ZNF420: variants seen among roughly 807,000 people sequenced by gnomAD.
ZNF420 encodes the protein zinc finger protein 420.
Under a neutral mutation model 44.7 loss-of-function variants are expected in ZNF420, and 31 were observed. The ratio of observed to expected loss-of-function variants is 0.69; its 90% confidence interval spans 0.52 to 0.94. ZNF420 has a LOEUF of 0.94. ZNF420 is among the 40% of genes least tolerant of loss of function. ZNF420 has a pLI of 0.00. For synonymous variants in ZNF420, 245 were observed against 267.4 expected, an observed-to-expected ratio of 0.92 and a Z score of 0.82; for missense variants, 681 against 827.9, an observed-to-expected ratio of 0.82 and a Z score of 2.18.
intron 1 of ZNF420, among the ~76,000 whole-genome samples, chr19:37,053,708 C>G (rs932410470): frequency 6.6e-6 from 1 of 152,078 alleles, no homozygotes; most frequent in African/African-American, 2.4e-5. Context: ...GCTGCCTGAT[C>G]GTTCCTCTGA....
intron 1 of ZNF420, among the ~76,000 whole-genome samples, chr19:37,037,396 A>G (rs1054945184): frequency 1.3e-5 from 2 of 152,188 alleles, no homozygotes; most frequent in African/African-American, 4.8e-5. Flanking sequence ...TTCTCAGCGC[A>G]TCTTTCACTC....
intron 1 of ZNF420, among the ~76,000 whole-genome samples, chr19:37,044,950 C>T (rs1031122475): frequency 6.6e-6 from 1 of 152,132 alleles, no homozygotes; most frequent in Non-Finnish European, 1.5e-5. Context: ...TCTGTGTTGT[C>T]CCAAGTGGTG....
chr19:37,095,109 G>GCA (rs1969364731), intron 4 of ZNF420, among the ~76,000 whole-genome samples: 2 of 142,004 alleles, frequency 1.4e-5, no homozygotes, highest in African/African-American at 5.2e-5. Flanking sequence ...CCAGCCTAGT[G>GCA]ATAGAGAGAG....
chr19:37,042,598 C>G (rs1967474688), intron 1 of ZNF420, among the ~76,000 whole-genome samples: 1 of 152,246 alleles, frequency 6.6e-6, no homozygotes. Context: ...CTGGTTTGCT[C>G]TTTTCCAATT....
chr19:37,090,612 T>C (rs1969077600), intron 3 of ZNF420, among the ~76,000 whole-genome samples: 1 of 150,782 alleles, frequency 6.6e-6, no homozygotes, highest in Non-Finnish European at 1.5e-5. Context: ...GATCTTCATC[T>C]CCCTCTCCAT....
chr19:37,129,952 A>G lies in ZNF420; in HGVS notation c.*894A>G, dbSNP rs1971574441. On this transcript the variant is annotated 3_prime_UTR_variant, in exon 5 of 5. Transcript: ENST00000337995. ...GACTATTTTGCAATGAAAAATGATG[A>G]GAGTTTGTGATACAGACTGCTTTTT... is the stretch of plus-strand genomic sequence containing the variant. The G allele has an allele frequency of 3.6e-6, 5 of 1,392,794 alleles. No homozygotes were observed. The South Asian group carries it at 6.9e-5, about 19-fold the overall frequency. 86.3% of individuals were successfully genotyped at this position (1,392,794 alleles called of 1,614,324 possible). A position where few individuals can be genotyped will look rare whatever the true frequency, so the allele number is the denominator to read the frequency against.
At chr19:37,088,924 G>T (rs1223598827) in intron 2 of ZNF420, 115 bp from the exon 3 acceptor site, 2 of 599,616 alleles carry the variant, frequency 3.3e-6, no homozygotes, top group Non-Finnish European at 6.0e-6. Flanking sequence ...CCCCCTTAGT[G>T]TGTGTTTTGG....
At chr19:37,038,769 A>G (rs898857603) in intron 1 of ZNF420, among the ~76,000 whole-genome samples, 1 of 152,132 alleles carries the variant, frequency 6.6e-6, no homozygotes, top group Admixed American at 6.6e-5. Flanking sequence ...CCTCACCTAC[A>G]TGGAGAAACC....
intron 1 of ZNF420, among the ~76,000 whole-genome samples, chr19:37,072,622 C>T (rs1427257021): frequency 2.6e-5 from 4 of 152,146 alleles, no homozygotes; most frequent in Non-Finnish European, 4.4e-5. Flanking sequence ...TTGTTAATCA[C>T]ACAAAGCCAG....
chr19:37,021,228 G>GTAGA (rs1351617642), intron 1 of ZNF420, among the ~76,000 whole-genome samples: 4 of 152,160 alleles, frequency 2.6e-5, no homozygotes, highest in African/African-American at 9.7e-5. Flanking sequence ...TAGACAAAAA[G>GTAGA]TAGACAATGA....
chr19:37,072,715 G>C (rs891717724), intron 1 of ZNF420, among the ~76,000 whole-genome samples: 2 of 152,120 alleles, frequency 1.3e-5, no homozygotes, highest in African/African-American at 4.8e-5. Flanking sequence ...AACAACAGTA[G>C]AATGGTTAAA....
At chr19:37,058,933 G>A (rs1967811744) in intron 1 of ZNF420, among the ~76,000 whole-genome samples, 1 of 152,216 alleles carries the variant, frequency 6.6e-6, no homozygotes, top group Non-Finnish European at 1.5e-5. Context: ...CTCCAAGGGA[G>A]AAGGGAGGCA....
At chr19:37,050,308 G>A (rs1013966044) in intron 1 of ZNF420, among the ~76,000 whole-genome samples, 1 of 152,202 alleles carries the variant, frequency 6.6e-6, no homozygotes, top group Non-Finnish European at 1.5e-5. Context: ...ACCTTGGGCA[G>A]TATGGCCATT....
At chr19:37,031,551 G>T (rs1599604866) in intron 1 of ZNF420, among the ~76,000 whole-genome samples, 1 of 152,042 alleles carries the variant, frequency 6.6e-6, no homozygotes, top group East Asian at 1.9e-4. Context: ...TGTCGCCCAG[G>T]CTGGAGTGTA....
At chr19:37,081,612 A>G (rs1330165438) in intron 2 of ZNF420, among the ~76,000 whole-genome samples, 4 of 139,736 alleles carry the variant, frequency 2.9e-5, no homozygotes. Flanking sequence ...AGCAACCTCC[A>G]CCTCCCAGGT....
intron 1 of ZNF420, among the ~76,000 whole-genome samples, chr19:37,055,291 C>T (rs1278263134): frequency 1.3e-5 from 2 of 152,008 alleles, no homozygotes; most frequent in Non-Finnish European, 2.9e-5. Flanking sequence ...GAGGCTGAGG[C>T]AAAAAAATCG....
At chr19:37,085,905 A>G (rs908695809) in intron 2 of ZNF420, among the ~76,000 whole-genome samples, 9 of 150,852 alleles carry the variant, frequency 6.0e-5, no homozygotes, top group African/African-American at 2.2e-4. Context: ...AGCTAGGACT[A>G]CAGGTTTGCA....
chr19:37,062,163 T>C (rs1033736478), intron 1 of ZNF420, among the ~76,000 whole-genome samples: 9 of 152,234 alleles, frequency 5.9e-5, no homozygotes, highest in African/African-American at 2.2e-4. Flanking sequence ...AGTTGTGTGT[T>C]TGTTTTCTCC....
intron 1 of ZNF420, among the ~76,000 whole-genome samples, chr19:37,061,960 A>G (rs1192462358): frequency 6.6e-6 from 1 of 152,200 alleles, no homozygotes; most frequent in Non-Finnish European, 1.5e-5. Flanking sequence ...TTCTCAAAAA[A>G]CTTTCATCTA....
Sources: gnomAD v4.1 joint callset for allele counts (sites outside exome capture counted in the v4.1 genomes callset) on GRCh38, gnomAD v4.1.1 for gene constraint, MANE v1.5 for transcripts, NCBI Gene and HGNC (gene_info 2026-07-23, HGNC 2026-07-21) for gene names.